RERG: variants seen among roughly 807,000 people sequenced by gnomAD.
RERG encodes the protein ras-related and estrogen-regulated growth inhibitor.
RERG carries 25 observed loss-of-function variants against 23.2 expected under a neutral mutation model. That is an observed-to-expected ratio of 1.08 (90% CI 0.79 to 1.50). RERG has a LOEUF of 1.50. Among genes scored for constraint, RERG ranks in the 40% most tolerant of loss-of-function variants. RERG has a pLI of 0.00. For missense variants in RERG, 253 were observed against 250.1 expected (o/e 1.01, Z -0.08); for synonymous variants, 81 against 89.1 (o/e 0.91, Z 0.51).
At chr12:15,121,175 C>G (rs568955404) in intron 2 of RERG, 56 bp from the exon 3 acceptor site, 2 of 1,378,106 alleles carry the variant, frequency 1.5e-6, no homozygotes, top group East Asian at 4.7e-5. Context: ...GCTTAGCACA[C>G]CTATCTTTTT....
At chr12:15,177,361 G>A (rs1864864791) in intron 2 of RERG, among the ~76,000 whole-genome samples, 1 of 152,124 alleles carries the variant, frequency 6.6e-6, no homozygotes, top group African/African-American at 2.4e-5. Flanking sequence ...GGTGAGGCAG[G>A]AAAATCACTC....
At chr12:15,164,704 A>G (rs1430049712) in intron 2 of RERG, among the ~76,000 whole-genome samples, 1 of 152,200 alleles carries the variant, frequency 6.6e-6, no homozygotes, top group Admixed American at 6.5e-5. Flanking sequence ...TGGATTACCC[A>G]TGGTCCACTA....
chr12:15,171,255 G>A (rs916948759), intron 2 of RERG, among the ~76,000 whole-genome samples: 5 of 152,176 alleles, frequency 3.3e-5, no homozygotes, highest in African/African-American at 1.2e-4. Flanking sequence ...TTTTTACTCC[G>A]CCTTGTGGTC....
At chr12:15,131,781 A>G (rs1436056208) in intron 2 of RERG, among the ~76,000 whole-genome samples, 1 of 152,182 alleles carries the variant, frequency 6.6e-6, no homozygotes, top group African/African-American at 2.4e-5. Context: ...ATGGACACAT[A>G]CAGTTCATTT....
chr12:15,216,625 T>C (rs1404640169), intron 2 of RERG, among the ~76,000 whole-genome samples: 1 of 152,226 alleles, frequency 6.6e-6, no homozygotes, highest in South Asian at 2.1e-4. Context: ...CAGTTAATTA[T>C]GGTTCCTTCC....
intron 2 of RERG, among the ~76,000 whole-genome samples, chr12:15,155,815 C>G (rs551477668): frequency 6.6e-6 from 1 of 152,094 alleles, no homozygotes; most frequent in South Asian, 2.1e-4. Context: ...TCTTTCACCC[C>G]TTTTGTGCTG....
At chr12:15,160,399 GAAAACTTTTGTTAAGGGCTTTTC>G (rs1460530007) in intron 2 of RERG, among the ~76,000 whole-genome samples, 1 of 152,078 alleles carries the variant, frequency 6.6e-6, no homozygotes, top group Admixed American at 6.6e-5. Flanking sequence ...TGGCTTTTTA[GAAAACTTTTGTTAAGGGCTTTTC>G]AAAACTTTTG....
intron 2 of RERG, among the ~76,000 whole-genome samples, chr12:15,123,510 T>G (rs1177717701): frequency 9.0e-6 from 1 of 110,720 alleles, no homozygotes; most frequent in Non-Finnish European, 2.0e-5. Flanking sequence ...TTCAAAACAG[T>G]TGTTTAATGT....
chr12:15,191,304 C>T (rs1306984030), intron 2 of RERG, among the ~76,000 whole-genome samples: 2 of 152,086 alleles, frequency 1.3e-5, no homozygotes, highest in African/African-American at 4.8e-5. Flanking sequence ...TCCTTTCTCT[C>T]CCTTATCATC....
At chr12:15,135,566 G>A (rs1019522024) in intron 2 of RERG, among the ~76,000 whole-genome samples, 1 of 152,136 alleles carries the variant, frequency 6.6e-6, no homozygotes, top group Non-Finnish European at 1.5e-5. Context: ...TTATCAAGTT[G>A]AGAAAGTTCT....
chr12:15,125,189 C>T (rs76325999), intron 2 of RERG, among the ~76,000 whole-genome samples: 6,141 of 151,846 alleles, frequency 0.04, 449 homozygotes, highest in African/African-American at 0.14. Flanking sequence ...CTGTCACAAA[C>T]GGTTTCAAAT....
intron 2 of RERG, among the ~76,000 whole-genome samples, chr12:15,195,539 C>T (rs1374971420): frequency 6.7e-6 from 1 of 148,826 alleles, no homozygotes; most frequent in Non-Finnish European, 1.5e-5. Context: ...TCTTAAGGCA[C>T]AGCAAGCTTG....
chr12:15,161,138 A>AAAAGAAAGAAAGAAAG (rs57319626), intron 2 of RERG, among the ~76,000 whole-genome samples: 788 of 41,620 alleles, frequency 0.019, 128 homozygotes, highest in Non-Finnish European at 0.02. Flanking sequence ...CCATCTCAGA[A>AAAAGAAAGAAAGAAAG]AAAGAAAGAA....
At chr12:15,169,787 T>C (rs939568520) in intron 2 of RERG, among the ~76,000 whole-genome samples, 3 of 152,182 alleles carry the variant, frequency 2.0e-5, no homozygotes, top group African/African-American at 7.2e-5. Flanking sequence ...TACCAATTCT[T>C]GGCCAGTACT....
rs200817717 is a variant in RERG at position 15,201,560 on chromosome 12, TTAA to T, written c.61+15866_61+15868del. 1.3e-3 allele frequency among the ~76,000 whole-genome samples: 196 copies of T among 149,586 alleles called. No individual in the cohort carries two copies. The East Asian group carries it at 0.02, about 15-fold the overall frequency. The stretch of plus-strand genomic sequence containing the variant: ...AATTAATATTAGCTAATAATAGTAA[TTAA>T]TAATAATAATTAGCTAATATTAATT... On this transcript the variant is annotated intron_variant, in intron 2 of 4. Coordinates refer to ENST00000256953, the MANE Select transcript of RERG (RefSeq NM_032918.3).
At chr12:15,144,089 G>A (rs1437149519) in intron 2 of RERG, among the ~76,000 whole-genome samples, 1 of 152,100 alleles carries the variant, frequency 6.6e-6, no homozygotes, top group African/African-American at 2.4e-5. Flanking sequence ...TGGAGTATGA[G>A]AGGAAAAGAG....
intron 2 of RERG, among the ~76,000 whole-genome samples, chr12:15,190,330 G>T (rs1263439393): frequency 6.6e-6 from 1 of 151,880 alleles, no homozygotes; most frequent in East Asian, 1.9e-4. Context: ...AATCACAAAA[G>T]AATCTCATAA....
chr12:15,151,673 T>A (rs1418826081), intron 2 of RERG, among the ~76,000 whole-genome samples: 1 of 152,204 alleles, frequency 6.6e-6, no homozygotes, highest in Non-Finnish European at 1.5e-5. Flanking sequence ...TGGATCATAG[T>A]AAATCATCCA....
chr12:15,137,893 G>T, intron 2 of RERG: 2 of 444,790 alleles, frequency 4.5e-6, no homozygotes, highest in Non-Finnish European at 9.0e-6. Flanking sequence ...TTTCTGAGAT[G>T]TATCATTCTC....
Sources: gnomAD v4.1 joint callset for allele counts (sites outside exome capture counted in the v4.1 genomes callset) on GRCh38, gnomAD v4.1.1 for gene constraint, MANE v1.5 for transcripts, NCBI Gene and HGNC (gene_info 2026-07-23, HGNC 2026-07-21) for gene names.